Variants in ATRNL1 observed in about 807,000 individuals in gnomAD.
ATRNL1 encodes attractin-like protein 1.
A neutral mutation model predicts 182.7 loss-of-function variants in ATRNL1; 95 were observed. The ratio of observed to expected loss-of-function variants is 0.52; its 90% CI spans 0.44 to 0.62. ATRNL1 has a LOEUF of 0.62. ATRNL1 is among the 20% of genes least tolerant of loss of function. ATRNL1 has a pLI of 0.00. For missense variants in ATRNL1, 1,471 were observed against 1,679.5 expected, an observed-to-expected ratio of 0.88 and a Z score of 2.17; for synonymous variants, 576 against 568.3, an observed-to-expected ratio of 1.01 and a Z score of -0.19.
intron 9 of ATRNL1, among the ~76,000 whole-genome samples, chr10:115,229,036 A>T (rs190440179): frequency 1.3e-5 from 2 of 152,036 alleles, no homozygotes; most frequent in Admixed American, 1.3e-4. Flanking sequence ...TGTAGTGCTG[A>T]GATTACAGGC....
At chr10:115,621,722 G>A (rs1226243200) in intron 26 of ATRNL1, among the ~76,000 whole-genome samples, 1 of 152,158 alleles carries the variant, frequency 6.6e-6, no homozygotes, top group Non-Finnish European at 1.5e-5. Context: ...ATTAGAACTT[G>A]AAGATCCCAT....
chr10:115,217,416 T>C (rs1489857197), intron 9 of ATRNL1, among the ~76,000 whole-genome samples: 3 of 152,072 alleles, frequency 2.0e-5, no homozygotes, highest in African/African-American at 7.2e-5. Flanking sequence ...TGCTGTGTCA[T>C]ACCAAAAGGG....
Position 115,268,325 on chromosome 10 carries a change from G to A in ATRNL1, c.1982-1G>A. ...TATATCGTCCCCCATTTGTATTATA[G>A]CTGCTTCTGATGACAGATGTTACAG... On this transcript the variant is annotated splice_acceptor_variant, in intron 12 of 28. Transcript: ENST00000355044. LOFTEE classifies it high-confidence loss of function. 6.3e-7 allele frequency: 1 copy of A among 1,586,218 alleles called. No individual in the cohort carries two copies. Among genetic ancestry groups the A allele is most frequent in the Non-Finnish European group, 8.7e-7 (1 of 1,154,790 alleles).
chr10:115,232,817 C>T (rs186211528), intron 9 of ATRNL1, among the ~76,000 whole-genome samples: 35 of 152,114 alleles, frequency 2.3e-4, no homozygotes, highest in African/African-American at 8.2e-4. Flanking sequence ...GAATTACTTC[C>T]AGGTGATTGA....
At chr10:115,706,010 G>T (rs1210992006) in intron 26 of ATRNL1, among the ~76,000 whole-genome samples, 7 of 151,828 alleles carry the variant, frequency 4.6e-5, no homozygotes, top group African/African-American at 1.5e-4. Flanking sequence ...CTTCCACTTA[G>T]CTGTCATATT....
At chr10:115,172,224 G>C (rs1221555018) in intron 8 of ATRNL1, among the ~76,000 whole-genome samples, 1 of 151,818 alleles carries the variant, frequency 6.6e-6, no homozygotes, top group Admixed American at 6.6e-5. Context: ...GTCAAAAGTG[G>C]GTTACATATC....
chr10:115,124,973 T>C (rs562078746), intron 3 of ATRNL1, among the ~76,000 whole-genome samples: 12 of 152,338 alleles, frequency 7.9e-5, no homozygotes, highest in Admixed American at 2.6e-4. Flanking sequence ...ATCCTTCATG[T>C]TGACTTTCAT....
At chr10:115,681,508 G>T (rs1946045360) in intron 26 of ATRNL1, among the ~76,000 whole-genome samples, 1 of 152,080 alleles carries the variant, frequency 6.6e-6, no homozygotes, top group South Asian at 2.1e-4. Flanking sequence ...TCAAACCCAA[G>T]CAGTCTGACT....
At chr10:115,700,467 A>G (rs782298206) in intron 26 of ATRNL1, among the ~76,000 whole-genome samples, 1 of 151,902 alleles carries the variant, frequency 6.6e-6, no homozygotes, top group Admixed American at 6.6e-5. Context: ...GCATTTTTTC[A>G]TATGTATTTT....
At chr10:115,568,349 A>C (rs1452204125) in intron 26 of ATRNL1, among the ~76,000 whole-genome samples, 1 of 152,100 alleles carries the variant, frequency 6.6e-6, no homozygotes, top group Non-Finnish European at 1.5e-5. Context: ...TTATCTGAAT[A>C]CAGGAATGCT....
chr10:115,365,760 G>A (rs2134173549), intron 19 of ATRNL1, among the ~76,000 whole-genome samples: 1 of 152,102 alleles, frequency 6.6e-6, no homozygotes, highest in South Asian at 2.1e-4. Context: ...CTTTATTTCT[G>A]CCTTCATTTC....
intron 20 of ATRNL1, among the ~76,000 whole-genome samples, chr10:115,413,296 C>A (rs1462504638): frequency 6.6e-6 from 1 of 152,098 alleles, no homozygotes; most frequent in African/African-American, 2.4e-5. Context: ...ACAAGTAAGC[C>A]TGCATTCTTT....
chr10:115,484,021 A>G (rs184850676), intron 24 of ATRNL1, among the ~76,000 whole-genome samples: 1 of 151,754 alleles, frequency 6.6e-6, no homozygotes, highest in African/African-American at 2.4e-5. Context: ...GAATAAACCT[A>G]CACTAGGTCT....
intron 26 of ATRNL1, among the ~76,000 whole-genome samples, chr10:115,723,599 A>G (rs1947502144): frequency 6.7e-6 from 1 of 148,450 alleles, no homozygotes; most frequent in Admixed American, 6.9e-5. Flanking sequence ...CCCAGGCTGG[A>G]GTGCAATGAC....
intron 26 of ATRNL1, among the ~76,000 whole-genome samples, chr10:115,660,995 G>A (rs797040216): frequency 1.3e-5 from 2 of 152,188 alleles, no homozygotes; most frequent in South Asian, 4.1e-4. Flanking sequence ...AGATTTAGGG[G>A]AAGGTAGGAT....
At chr10:115,782,617 G>A (rs1291773743) in intron 27 of ATRNL1, among the ~76,000 whole-genome samples, 1 of 152,128 alleles carries the variant, frequency 6.6e-6, no homozygotes, top group African/African-American at 2.4e-5. Flanking sequence ...AAAGAGAAAA[G>A]GGCTGAGAAG....
At chr10:115,794,951 C>G (rs562461639) in intron 27 of ATRNL1, among the ~76,000 whole-genome samples, 1 of 152,118 alleles carries the variant, frequency 6.6e-6, no homozygotes, top group African/African-American at 2.4e-5. Flanking sequence ...TTTTGATGCT[C>G]AAATTGTCCC....
chr10:115,946,393 A>T lies in ATRNL1; in HGVS notation c.*1614A>T, dbSNP rs1241307915. 6.6e-6 allele frequency: 1 copy of T among 152,202 alleles called. No individual in the cohort carries two copies. The highest frequency in any genetic ancestry group is 1.5e-5 in the Non-Finnish European group (1 of 68,024). The allele number at this position is 152,202 out of a possible 1,614,324, so 9.4% of individuals were successfully genotyped here. ...ATGAGGATTGAATGTCATATATAAGAGGAATGATCATACAATATGTAGTTG... is the reference window on the plus strand; with the variant it reads ...ATGAGGATTGAATGTCATATATAAGTGGAATGATCATACAATATGTAGTTG... On this transcript the variant is annotated 3_prime_UTR_variant, in exon 29 of 29. Coordinates refer to ENST00000355044, the MANE Select transcript of ATRNL1 (RefSeq NM_207303.4).
At chr10:115,325,249 T>G (rs1854810677) in intron 18 of ATRNL1, among the ~76,000 whole-genome samples, 1 of 152,142 alleles carries the variant, frequency 6.6e-6, no homozygotes, top group Non-Finnish European at 1.5e-5. Context: ...TTATTCATAT[T>G]CCATAGCTAC....
Sources: gnomAD v4.1 joint callset for allele counts (sites outside exome capture counted in the v4.1 genomes callset) on GRCh38, gnomAD v4.1.1 for gene constraint, MANE v1.5 for transcripts, NCBI Gene and HGNC (gene_info 2026-07-23, HGNC 2026-07-21) for gene names.